Variants in CCDC70 observed in about 807,000 individuals in gnomAD.
CCDC70 encodes coiled-coil domain-containing protein 70.
Under a neutral mutation model 9.1 loss-of-function variants are expected in CCDC70, and 4 were observed. That is an observed-to-expected ratio of 0.44 (90% CI 0.22 to 1.00). The LOEUF (loss-of-function observed/expected upper bound fraction) is 1.00, where lower values mean the gene tolerates loss of function less well. CCDC70 is among the 50% of genes least tolerant of loss of function. The pLI, the probability that CCDC70 is intolerant of heterozygous loss-of-function variation, is 0.25. For synonymous variants in CCDC70, 119 were observed against 94.0 expected (o/e 1.27, Z -1.54); for missense variants, 308 against 271.3 (o/e 1.14, Z -0.95).
rs1956388400 is a variant in CCDC70 at position 51,862,283 on chromosome 13, TATATA to T, written c.-81+59_-81+63del. 3.3e-5 allele frequency: 5 copies of T among 152,330 alleles called. No homozygotes were observed. In the South Asian group the frequency reaches 1.0e-3, roughly 32 times the overall value. The allele number at this position is 152,330 out of a possible 1,614,324, so 9.4% of individuals were successfully genotyped here. A position where few individuals can be genotyped will look rare whatever the true frequency, so the allele number is the denominator to read the frequency against. The stretch of plus-strand genomic sequence containing the variant: ...AGTATTTGTTCTAAGCATAAGGTAA[TATATA>T]ATATTTTCCTTAAAAAGAAGCTCCT... On this transcript the variant is annotated intron_variant, in intron 1 of 1. Coordinates refer to ENST00000242819, the MANE Select transcript of CCDC70 (RefSeq NM_031290.4).
intron 1 of CCDC70, 59 bp downstream of exon 1, chr13:51,862,288 A>G (rs973465483): frequency 3.3e-5 from 5 of 152,192 alleles, no homozygotes; most frequent in African/African-American, 9.7e-5. Context: ...GGTAATATAT[A>G]ATATTTTCCT....
intron 1 of CCDC70, among the ~76,000 whole-genome samples, chr13:51,864,321 C>T (rs1956404129): frequency 6.6e-6 from 1 of 152,164 alleles, no homozygotes; most frequent in Non-Finnish European, 1.5e-5. Flanking sequence ...CCTAATCACA[C>T]CCCTTAGTCT....
chr13:51,865,479 C>T lies in CCDC70; in HGVS notation c.68C>T (p.Pro23Leu). The change falls in exon 2 of 2, where the codon CCC (proline) becomes CTC (leucine). Residue 23 changes from proline (P) to leucine (L), a missense_variant. Pro to Leu is a moderately conservative substitution (Grantham distance 98). Transcript: ENST00000242819. ...ACFRSLAASS[P>L]SIRQKKLMHK... ...TTCCGGTCCCTGGCGGCATCCTCTC[C>T]CAGTATTCGCCAGAAGAAACTAATG... 2 of 1,614,180 alleles carry T rather than the reference C, an allele frequency of 1.2e-6. No individual in the cohort carries two copies. Among genetic ancestry groups the T allele is most frequent in the East Asian group, 2.2e-5 (1 of 44,878 alleles).
At position 51,865,826 on chromosome 13, in the gene CCDC70, C is replaced by T. The variant is rs374973615; in HGVS notation, c.415C>T (p.Leu139Phe). The T allele has an allele frequency of 1.3e-5, 21 of 1,614,070 alleles. No homozygotes were observed. Among genetic ancestry groups the T allele is most frequent in the Non-Finnish European group, 1.8e-5 (21 of 1,180,046 alleles). The change falls in exon 2 of 2, where the codon CTT becomes TTT. Residue 139 changes from leucine to phenylalanine, a missense_variant. By Grantham distance (22) the Leu-to-Phe change is conservative. Coordinates refer to ENST00000242819, the MANE Select transcript of CCDC70 (RefSeq NM_031290.4). ...NALWERDRNL[L>F]QEDKALWEEE... ...CTTATGGGAAAGAGACCGGAACCTTCTTCAGGAGGACAAGGCCCTGTGGGA... is the reference window on the plus strand; with the variant it reads ...CTTATGGGAAAGAGACCGGAACCTTTTTCAGGAGGACAAGGCCCTGTGGGA...
Position 51,865,661 on chromosome 13 carries a change from G to T in CCDC70, c.250G>T (p.Glu84Ter), listed in dbSNP as rs867701014. Residue 84 changes from glutamate to a stop codon, truncating the protein, a stop_gained, in exon 2 of 2, where the codon GAA (glutamate) becomes TAA (stop). Transcript: ENST00000242819. LOFTEE classifies it high-confidence loss of function. ...TTGGGAAGAGGAGAGACCTTTCTGG[G>T]AAGAGGAGAAAACCTTCTGGAAAGA... ...GFWEEERPFW[E>*]EEKTFWKEEK... 6.2e-7 allele frequency: 1 copy of T among 1,614,206 alleles called. No homozygotes were observed. Among genetic ancestry groups the T allele is most frequent in the African/African-American group, 1.3e-5 (1 of 75,048 alleles).
intron 1 of CCDC70, among the ~76,000 whole-genome samples, chr13:51,862,901 G>A (rs1013046816): frequency 5.3e-5 from 8 of 152,164 alleles, no homozygotes; most frequent in East Asian, 3.8e-4. Flanking sequence ...CTATATAGGC[G>A]GCGTTATATT....
At chr13:51,862,775 G>A (rs571640505) in intron 1 of CCDC70, among the ~76,000 whole-genome samples, 1 of 152,242 alleles carries the variant, frequency 6.6e-6, no homozygotes, top group East Asian at 1.9e-4. Flanking sequence ...GGAAGTGAGG[G>A]AGGACTTCAC....
chr13:51,863,918 AC>A (rs1956400851), intron 1 of CCDC70, among the ~76,000 whole-genome samples: 1 of 152,146 alleles, frequency 6.6e-6, no homozygotes, highest in African/African-American at 2.4e-5. Flanking sequence ...TCCTTATCTG[AC>A]AACACTGAGC....
At position 51,865,777 on chromosome 13, in the gene CCDC70, G is replaced by A. The variant is rs1301300297; in HGVS notation, c.366G>A (p.Lys122=). The change falls in exon 2 of 2, where the codon AAG becomes AAA. Residue 122 remains lysine, a synonymous_variant. Transcript: ENST00000242819. The stretch of plus-strand genomic sequence containing the variant: ...ACCGCACTTTCTGGAAGGAGGATAA[G>A]GCCTTCTGGAAAGAGGACAATGCCT... The part of the protein sequence containing the change: ...KKYRTFWKED[K]AFWKEDNALW... The A allele has an allele frequency of 2.5e-6, 4 of 1,614,150 alleles. No homozygotes were observed. Among genetic ancestry groups the A allele is most frequent in the Non-Finnish European group, 3.4e-6 (4 of 1,180,010 alleles).
At position 51,862,002 on chromosome 13, in the gene CCDC70, C is replaced by T. The variant is rs565000569; in HGVS notation, c.-308C>T. ...AGTGAAGTCAAAGATTGAAGAGGAA[C>T]TCTTTCAAACCTTTCAAGTGCCCCC... On this transcript the variant is annotated 5_prime_UTR_variant, in exon 1 of 2. Coordinates refer to ENST00000242819, the MANE Select transcript of CCDC70 (RefSeq NM_031290.4). 2.6e-5 allele frequency: 4 copies of T among 152,388 alleles called. No homozygotes were observed. Among genetic ancestry groups the T allele is most frequent in the African/African-American group, 9.6e-5 (4 of 41,580 alleles). 9.4% of individuals were successfully genotyped at this position (152,388 alleles called of 1,614,324 possible).
Position 51,866,096 on chromosome 13 carries a change from A to G in CCDC70, c.*16A>G, listed in dbSNP as rs746237072. 1.4e-5 allele frequency: 22 copies of G among 1,548,762 alleles called. No individual in the cohort carries two copies. The highest frequency in any genetic ancestry group is 1.8e-5 in the Non-Finnish European group (21 of 1,150,738). Reference sequence around the variant, plus strand: ...CAGGGCGTAGCCAGCATGCAGGTGCAGGGCCCTGTGGTCCAGACTCCCCTG... The same window carrying G: ...CAGGGCGTAGCCAGCATGCAGGTGCGGGGCCCTGTGGTCCAGACTCCCCTG... On this transcript the variant is annotated 3_prime_UTR_variant, in exon 2 of 2. Transcript: ENST00000242819.
intron 1 of CCDC70, among the ~76,000 whole-genome samples, chr13:51,864,630 G>C (rs530059360): frequency 3.5e-4 from 53 of 152,248 alleles, no homozygotes; most frequent in African/African-American, 1.3e-3. Flanking sequence ...TTCCAGAGTT[G>C]AGCTCTTATG....
At chr13:51,865,089 C>A (rs1458127958) in intron 1 of CCDC70, among the ~76,000 whole-genome samples, 1 of 152,214 alleles carries the variant, frequency 6.6e-6, no homozygotes, top group African/African-American at 2.4e-5. Flanking sequence ...TAGTTGACAG[C>A]CACTGTCCTT....
In CCDC70 at chr13:51,865,967, G is replaced by C. The variant is rs773689364; in HGVS notation, c.556G>C (p.Ala186Pro). 1.2e-6 allele frequency: 2 copies of C among 1,613,958 alleles called. No individual in the cohort carries two copies. The highest frequency in any genetic ancestry group is 1.7e-6 in the Non-Finnish European group (2 of 1,180,012). Residue 186 changes from alanine to proline, a missense_variant, in exon 2 of 2, where the codon GCC (alanine) becomes CCC (proline). By Grantham distance (27) the Ala-to-Pro change is conservative. Transcript: ENST00000242819. ...EENALWEEER[A>P]FWMENNGHIA... ...GAATGCCCTCTGGGAGGAAGAGAGG[G>C]CCTTCTGGATGGAGAACAATGGCCA...
In CCDC70 at chr13:51,865,604, A is replaced by T; in HGVS notation, c.193A>T (p.Ile65Phe). 1 of 1,614,122 alleles carries T rather than the reference A, an allele frequency of 6.2e-7. No homozygotes were observed. Among genetic ancestry groups the T allele is most frequent in the South Asian group, 1.1e-5 (1 of 91,084 alleles). Residue 65 changes from isoleucine (I) to phenylalanine (F), a missense_variant, in exon 2 of 2, where the codon ATC (isoleucine) becomes TTC (phenylalanine). Ile to Phe is a conservative substitution (Grantham distance 21, BLOSUM62 0). Coordinates refer to ENST00000242819, the MANE Select transcript of CCDC70 (RefSeq NM_031290.4). ...AGAGATGTGGACTTTCCGAGGCAAG[A>T]TCCATGCTTTCCGGGGCCAGATCCT... ...REEMWTFRGK[I>F]HAFRGQILGF...
rs775509113 is a variant in CCDC70, at chr13:51,865,617, G to A, written c.206G>A (p.Arg69Gln). ...TTCCGAGGCAAGATCCATGCTTTCC[G>A]GGGCCAGATCCTGGGTTTTTGGGAA... is the stretch of plus-strand genomic sequence containing the variant. ...WTFRGKIHAFRGQILGFWEEE... is the reference protein window; with the variant it reads ...WTFRGKIHAFQGQILGFWEEE... The change falls in exon 2 of 2, where the codon CGG (arginine) becomes CAG (glutamine). Residue 69 changes from arginine (R) to glutamine (Q), a missense_variant. By Grantham distance (43) the Arg-to-Gln change is conservative (BLOSUM62 1). Coordinates refer to ENST00000242819, the MANE Select transcript of CCDC70 (RefSeq NM_031290.4). 3.3e-5 allele frequency: 54 copies of A among 1,613,940 alleles called. No individual in the cohort carries two copies. Among genetic ancestry groups the A allele is most frequent in the Non-Finnish European group, 4.0e-5 (47 of 1,180,002 alleles).
At chr13:51,862,530 C>T (rs933233170) in intron 1 of CCDC70, among the ~76,000 whole-genome samples, 20 of 152,184 alleles carry the variant, frequency 1.3e-4, no homozygotes, top group African/African-American at 2.4e-4. Flanking sequence ...ACCCAGTAGA[C>T]GCCCATTCAT....
chr13:51,863,708 C>CACACACACACACACA (rs1555276646), intron 1 of CCDC70, among the ~76,000 whole-genome samples: 1 of 141,022 alleles, frequency 7.1e-6, no homozygotes, highest in Non-Finnish European at 1.6e-5. Context: ...CACACACACA[C>CACACACACACACACA]ACCAGCTATG....
chr13:51,865,688 G>GA lies in CCDC70; in HGVS notation c.282dup (p.Ser95IlefsTer28). On this transcript the variant is annotated frameshift_variant, in exon 2 of 2. Transcript: ENST00000242819. LOFTEE classifies it high-confidence loss of function. Reference sequence around the variant, plus strand: ...AGAGGAGAAAACCTTCTGGAAAGAGGAAAAATCCTTCTGGGAAATGGAAAA... The same window carrying GA: ...AGAGGAGAAAACCTTCTGGAAAGAGGAAAAAATCCTTCTGGGAAATGGAAAA... 1 of 1,614,174 alleles carries GA rather than the reference G, an allele frequency of 6.2e-7. No homozygotes were observed.
Sources: gnomAD v4.1 joint callset for allele counts (sites outside exome capture counted in the v4.1 genomes callset) on GRCh38, gnomAD v4.1.1 for gene constraint, MANE v1.5 for transcripts, NCBI Gene and HGNC (gene_info 2026-07-23, HGNC 2026-07-21) for gene names.